Variants in LTBP2 observed in about 807,000 individuals in gnomAD.
LTBP2 encodes latent-transforming growth factor beta-binding protein 2.
LTBP2 carries 103 observed loss-of-function variants against 210.6 expected under a neutral mutation model. The observed-to-expected ratio is 0.49, with a 90% CI of 0.42 to 0.58. LTBP2 has a LOEUF of 0.58. Among genes scored for constraint, LTBP2 ranks in the 20% least tolerant of loss-of-function variants. LTBP2 has a pLI of 0.00. For missense variants in LTBP2, 2,313 were observed against 2,494.5 expected (o/e 0.93, Z 1.55); for synonymous variants, 1,007 against 1,015.0 (o/e 0.99, Z 0.15).
At chr14:74,570,490 G>T (rs564603130) in intron 3 of LTBP2, among the ~76,000 whole-genome samples, 8 of 152,324 alleles carry the variant, frequency 5.3e-5, no homozygotes, top group African/African-American at 1.9e-4. Flanking sequence ...CTCTCACAGG[G>T]GCTGGAAATT....
At chr14:74,532,609 G>A (rs151317223) in intron 9 of LTBP2, 61 bp from the exon 10 acceptor site, 410 of 1,589,946 alleles carry the variant, frequency 2.6e-4, no homozygotes, top group Non-Finnish European at 3.3e-4. Context: ...GAGCAGAGGG[G>A]CTGGGCAGAG....
At chr14:74,605,287 G>T (rs983876843) in intron 1 of LTBP2, among the ~76,000 whole-genome samples, 1 of 152,242 alleles carries the variant, frequency 6.6e-6, no homozygotes, top group African/African-American at 2.4e-5. Flanking sequence ...GCTTGAAAAA[G>T]CGGAGGCCCA....
chr14:74,609,601 C>T (rs2088576618), intron 1 of LTBP2, among the ~76,000 whole-genome samples: 1 of 152,176 alleles, frequency 6.6e-6, no homozygotes, highest in Admixed American at 6.5e-5. Context: ...GGCAGTGCTA[C>T]ATCTGCACAC....
At chr14:74,528,790 A>G in intron 11 of LTBP2, 92 bp from the exon 12 acceptor site, 1 of 1,538,836 alleles carries the variant, frequency 6.5e-7, no homozygotes, top group Non-Finnish European at 8.9e-7. Context: ...AGACACGGCA[A>G]TTGTGGCAGC....
intron 28 of LTBP2, 24 bp downstream of exon 28, chr14:74,506,024 G>A (rs959203678): frequency 6.2e-7 from 1 of 1,613,692 alleles, no homozygotes; most frequent in Non-Finnish European, 8.5e-7. Flanking sequence ...AGTCACCATG[G>A]ATAATGTGTC....
chr14:74,510,410 T>G (rs1365348701), intron 19 of LTBP2, among the ~76,000 whole-genome samples, 197 bp from the exon 20 acceptor site: 1 of 152,184 alleles, frequency 6.6e-6, no homozygotes, highest in Non-Finnish European at 1.5e-5. Context: ...CGGGCTCACT[T>G]CAGCCCTATC....
At chr14:74,519,684 C>A (rs1442916704) in intron 17 of LTBP2, among the ~76,000 whole-genome samples, 2 of 152,126 alleles carry the variant, frequency 1.3e-5, no homozygotes, top group African/African-American at 4.8e-5. Context: ...GTACTTAGAG[C>A]CAGCCTTGAA....
intron 1 of LTBP2, among the ~76,000 whole-genome samples, chr14:74,605,489 A>G (rs1018639624): frequency 8.5e-5 from 13 of 152,068 alleles, no homozygotes; most frequent in African/African-American, 3.1e-4. Context: ...TCAGACCCAG[A>G]GTTTCCGGGG....
At chr14:74,603,506 G>A (rs1428489764) in intron 2 of LTBP2, 129 bp downstream of exon 2, 9 of 886,048 alleles carry the variant, frequency 1.0e-5, no homozygotes, top group East Asian at 4.9e-5. Context: ...TCTTCAGGAC[G>A]CAGACTAGGA....
chr14:74,596,475 C>T lies in LTBP2; in HGVS notation c.565+7160G>A, dbSNP rs1009132316. On this transcript the variant is annotated intron_variant, in intron 2 of 35. Transcript: ENST00000261978. ...AGATGACGGGGAGCAGACACAGAGG[C>T]AGCAGCATGTGCACCAGCCTAGAGG... Among the ~76,000 whole-genome samples the T allele has an allele frequency of 2.6e-5, 4 of 152,180 alleles. 1 individual carries two copies. Among genetic ancestry groups the T allele is most frequent in the Non-Finnish European group, 5.9e-5 (4 of 68,050 alleles).
intron 3 of LTBP2, among the ~76,000 whole-genome samples, chr14:74,579,341 C>T (rs1247515376): frequency 6.6e-6 from 1 of 152,178 alleles, no homozygotes; most frequent in South Asian, 2.1e-4. Context: ...GAGAGACCAC[C>T]GACTTGGGAG....
rs191775131 is a variant in LTBP2 at position 74,517,384 on chromosome 14, G to A, written c.2789-443C>T. Reference sequence around the variant, plus strand: ...TATTTATTTATTGAGACGGAGTTTCGCTCTTGTTGCCCAGGCTGGAGTGCG... The same window carrying A: ...TATTTATTTATTGAGACGGAGTTTCACTCTTGTTGCCCAGGCTGGAGTGCG... On this transcript the variant is annotated intron_variant, in intron 17 of 35. Coordinates refer to ENST00000261978, the MANE Select transcript of LTBP2 (RefSeq NM_000428.3). Among the ~76,000 whole-genome samples, 48 of 151,356 alleles carry A rather than the reference G, an allele frequency of 3.2e-4. No individual in the cohort carries two copies. The East Asian group carries it at 7.8e-3, about 25-fold the overall frequency.
chr14:74,571,624 A>G (rs961432997), intron 3 of LTBP2, among the ~76,000 whole-genome samples: 2 of 152,200 alleles, frequency 1.3e-5, no homozygotes, highest in Non-Finnish European at 2.9e-5. Context: ...TCCCAAGAAC[A>G]TCAAAAAAGA....
rs1566624322 is a variant in LTBP2 at position 74,527,342 on chromosome 14, CT to C, written c.2388+4del. ...CCCGGCCCCCTAGTGGGAGGACGCACTCACCTGGCCAGCCTGAGAGTCACCT... is the reference window on the plus strand; with the variant it reads ...CCCGGCCCCCTAGTGGGAGGACGCACCACCTGGCCAGCCTGAGAGTCACCT... On this transcript the variant is annotated splice_donor_region_variant and intron_variant, in intron 13 of 35. Transcript: ENST00000261978. 1 of 1,611,496 alleles carries C rather than the reference CT, an allele frequency of 6.2e-7. No individual in the cohort carries two copies. The highest frequency in any genetic ancestry group is 8.5e-7 in the Non-Finnish European group (1 of 1,179,228).
At chr14:74,544,178 T>A (rs1157306252) in intron 8 of LTBP2, among the ~76,000 whole-genome samples, 2 of 152,194 alleles carry the variant, frequency 1.3e-5, no homozygotes, top group African/African-American at 4.8e-5. Flanking sequence ...ATCCCATTTC[T>A]TTAGAGTAGG....
At chr14:74,595,377 C>T (rs956443613) in intron 2 of LTBP2, among the ~76,000 whole-genome samples, 2 of 152,210 alleles carry the variant, frequency 1.3e-5, no homozygotes, top group African/African-American at 2.4e-5. Flanking sequence ...GGCTGAGAGG[C>T]CTAGGCTCCT....
chr14:74,502,806 C>T lies in LTBP2; in HGVS notation c.5017G>A (p.Gly1673Arg), dbSNP rs1054038856. 4 of 1,614,026 alleles carry T rather than the reference C, an allele frequency of 2.5e-6. No homozygotes were observed. The highest frequency in any genetic ancestry group is 3.4e-6 in the Non-Finnish European group (4 of 1,180,020). Residue 1673 changes from glycine (G) to arginine (R), a missense_variant, in exon 34 of 36, where the codon GGG becomes AGG. Transcript: ENST00000261978. ...DLHYSIYGPDGAPFYNYLGPE... is the reference protein window; with the variant it reads ...DLHYSIYGPDRAPFYNYLGPE... ...CCCAGGTAGTTGTAGAAGGGGGCCC[C>T]ATCTGGGCCATAGATGCTGTAGTGC... is the stretch of plus-strand genomic sequence containing the variant.
chr14:74,581,889 G>A (rs1248845822), intron 3 of LTBP2, among the ~76,000 whole-genome samples: 1 of 152,146 alleles, frequency 6.6e-6, no homozygotes, highest in Non-Finnish European at 1.5e-5. Flanking sequence ...CCAGGCAGGA[G>A]CAGCCTGCTG....
chr14:74,566,025 C>A (rs1030259424), intron 3 of LTBP2, among the ~76,000 whole-genome samples: 3 of 151,844 alleles, frequency 2.0e-5, no homozygotes, highest in African/African-American at 7.3e-5. Flanking sequence ...TACTTCATCC[C>A]ACAGTTTGCG....
Sources: gnomAD v4.1 joint callset for allele counts (sites outside exome capture counted in the v4.1 genomes callset) on GRCh38, gnomAD v4.1.1 for gene constraint, MANE v1.5 for transcripts, NCBI Gene and HGNC (gene_info 2026-07-23, HGNC 2026-07-21) for gene names.